The following ATP8B1 variants were observed in gnomAD, a reference collection of about 807,000 sequenced individuals.
The protein encoded by ATP8B1 is phospholipid-transporting ATPase IC.
A neutral mutation model predicts 149.9 loss-of-function variants in ATP8B1; 80 were observed. The ratio of observed to expected loss-of-function variants is 0.53; its 90% CI spans 0.45 to 0.64. The LOEUF is 0.64. ATP8B1 is among the 30% of genes least tolerant of loss of function. The probability of loss-of-function intolerance (pLI) is 0.00; values close to 1 mark genes in which losing one functional copy is unlikely to be tolerated. For synonymous variants in ATP8B1, 536 were observed against 562.8 expected (o/e 0.95, Z 0.67); for missense variants, 1,247 against 1,552.6 (o/e 0.80, Z 3.31).
At chr18:57,660,660 AG>A (rs1378717230) in intron 22 of ATP8B1, among the ~76,000 whole-genome samples, 1 of 152,140 alleles carries the variant, frequency 6.6e-6, no homozygotes, top group Non-Finnish European at 1.5e-5. Flanking sequence ...CTGGGATTAC[AG>A]GTGTGCACCA....
intron 1 of ATP8B1, among the ~76,000 whole-genome samples, chr18:57,765,989 T>A (rs998327220): frequency 6.7e-6 from 1 of 149,016 alleles, no homozygotes; most frequent in Non-Finnish European, 1.5e-5. Context: ...AAAAAAAAAA[T>A]GTTAAGATGG....
chr18:57,701,158 C>T (rs377473859), intron 5 of ATP8B1, 57 bp downstream of exon 5: 11 of 1,611,636 alleles, frequency 6.8e-6, no homozygotes, highest in South Asian at 5.5e-5. Flanking sequence ...AAGGAAGGCA[C>T]GAGAACTTAA....
At chr18:57,654,507 C>T (rs317825) in intron 23 of ATP8B1, among the ~76,000 whole-genome samples, 46,649 of 151,188 alleles carry the variant, frequency 0.31, 7,277 homozygotes, top group East Asian at 0.4. Flanking sequence ...TTTGTTGAGA[C>T]GGGGTTTCAC....
At chr18:57,669,523 A>G (rs1005170644) in intron 17 of ATP8B1, 41 bp from the exon 18 acceptor site, 1 of 1,563,356 alleles carries the variant, frequency 6.4e-7, no homozygotes, top group African/African-American at 1.4e-5. Flanking sequence ...TGCAAAGAAT[A>G]GTTAATTTAT....
At chr18:57,769,778 C>A (rs1315983648) in intron 1 of ATP8B1, among the ~76,000 whole-genome samples, 3 of 152,180 alleles carry the variant, frequency 2.0e-5, no homozygotes, top group Non-Finnish European at 2.9e-5. Flanking sequence ...GATCGAAGAA[C>A]TTTTATTTGT....
chr18:57,703,788 G>C (rs898508760), intron 4 of ATP8B1, among the ~76,000 whole-genome samples: 2 of 151,866 alleles, frequency 1.3e-5, no homozygotes, highest in African/African-American at 4.8e-5. Flanking sequence ...TTTTTAAGTA[G>C]GCCTTTTAAA....
chr18:57,757,307 T>A (rs1484793847), intron 1 of ATP8B1, among the ~76,000 whole-genome samples: 1 of 152,166 alleles, frequency 6.6e-6, no homozygotes, highest in Non-Finnish European at 1.5e-5. Flanking sequence ...CTTGTGACAA[T>A]AACAAGATGT....
At chr18:57,790,100 G>A (rs1175708349) in intron 1 of ATP8B1, among the ~76,000 whole-genome samples, 4 of 152,084 alleles carry the variant, frequency 2.6e-5, no homozygotes, top group Admixed American at 2.6e-4. Context: ...AGAAATTTGA[G>A]AATTGTCAAC....
At chr18:57,756,305 A>ATATACATATATATATATATATATG (rs1555653786) in intron 1 of ATP8B1, among the ~76,000 whole-genome samples, 4,240 of 103,410 alleles carry the variant, frequency 0.041, 137 homozygotes, top group Middle Eastern at 0.065. Flanking sequence ...GTGTATGTAT[A>ATATACATATATATATATATATATG]TATATATATA....
intron 2 of ATP8B1, among the ~76,000 whole-genome samples, chr18:57,725,683 A>T (rs1427676101): frequency 6.6e-6 from 1 of 152,224 alleles, no homozygotes; most frequent in Non-Finnish European, 1.5e-5. Context: ...AAAAACAGAC[A>T]CACAGATCAA....
rs553394570 is a variant in ATP8B1 at position 57,793,925 on chromosome 18, A to G, written c.-26+9073T>C. ...TAAGGTTCTCAAATTGACTTTTAAG[A>G]ATTTTCATGTTGTTCTACAGAAGGA... On this transcript the variant is annotated intron_variant, in intron 1 of 27. Transcript: ENST00000648908. Among the ~76,000 whole-genome samples, 4 of 152,320 alleles carry G rather than the reference A, an allele frequency of 2.6e-5. No individual in the cohort carries two copies. In the South Asian group the frequency reaches 8.3e-4, roughly 32 times the overall value.
At chr18:57,786,485 C>G (rs2080411188) in intron 1 of ATP8B1, among the ~76,000 whole-genome samples, 1 of 152,164 alleles carries the variant, frequency 6.6e-6, no homozygotes, top group Non-Finnish European at 1.5e-5. Flanking sequence ...GTGCAGCCCC[C>G]AGTCATGCTG....
intron 22 of ATP8B1, among the ~76,000 whole-genome samples, chr18:57,658,839 G>A (rs896836631): frequency 6.6e-6 from 1 of 152,050 alleles, no homozygotes; most frequent in African/African-American, 2.4e-5. Flanking sequence ...TAAACTTTCT[G>A]TATATTGTTA....
Position 57,802,336 on chromosome 18 carries a change from GGACGCGACCC to G in ATP8B1, c.-26+652_-26+661del, listed in dbSNP as rs1242869995. 6.6e-6 allele frequency among the ~76,000 whole-genome samples: 1 copy of G among 152,140 alleles called. No individual in the cohort carries two copies. Among genetic ancestry groups the G allele is most frequent in the Non-Finnish European group, 1.5e-5 (1 of 68,026 alleles). On this transcript the variant is annotated intron_variant, in intron 1 of 27. Transcript: ENST00000648908. The surrounding 1 kb of genome is among the most constrained non-coding windows in gnomAD (Gnocchi z 4.9). Reference sequence around the variant, plus strand: ...CTGCAGCCATCTCAGCGGGGCTGGCGGACGCGACCCGACAGTCACCGGAAAAACAGTGGTG... The same window carrying G: ...CTGCAGCCATCTCAGCGGGGCTGGCGGACAGTCACCGGAAAAACAGTGGTG...
At position 57,655,815 on chromosome 18, in the gene ATP8B1, T is replaced by G. The variant is rs114699110; in HGVS notation, c.2708-398A>C. Among the ~76,000 whole-genome samples the G allele has an allele frequency of 5.4e-3, 830 of 152,324 alleles. 7 individuals are homozygous for G. Among genetic ancestry groups the G allele is most frequent in the African/African-American group, 0.018 (733 of 41,572 alleles). On this transcript the variant is annotated intron_variant, in intron 22 of 27. Coordinates refer to ENST00000648908, the MANE Select transcript of ATP8B1 (RefSeq NM_001374385.1). ...CAGATATGTAATTTGTGGTAGATAC[T>G]ACAAATCGGCTCCCCCAACTTCATT...
chr18:57,650,320 T>A, intron 27 of ATP8B1, 47 bp downstream of exon 27: 1 of 1,603,622 alleles, frequency 6.2e-7, no homozygotes, highest in Middle Eastern at 1.7e-4. Flanking sequence ...GGAAACGCTT[T>A]GGTTTCTGTG....
In ATP8B1 at chr18:57,661,156, C is replaced by T. The variant is rs1283038355; in HGVS notation, c.2707+18G>A. The T allele has an allele frequency of 6.8e-6, 11 of 1,612,132 alleles. No homozygotes were observed. The highest frequency in any genetic ancestry group is 6.7e-5 in the African/African-American group (5 of 74,902). On this transcript the variant is annotated intron_variant, in intron 22 of 27. Transcript: ENST00000648908. ...CTCTAGCACGTTGGGCCTCACTGGCCGTGGGTGCATGACTCACTTTTGATC... is the reference window on the plus strand; with the variant it reads ...CTCTAGCACGTTGGGCCTCACTGGCTGTGGGTGCATGACTCACTTTTGATC...
In ATP8B1 at chr18:57,652,597, TGAA is replaced by T; in HGVS notation, c.3145_3147del (p.Phe1049del). On this transcript the variant is annotated inframe_deletion, in exon 25 of 28. Coordinates refer to ENST00000648908, the MANE Select transcript of ATP8B1 (RefSeq NM_001374385.1). Reference sequence around the variant, plus strand: ...GTTTGCAGATAAGCTCCAAGAGGTATGAAGAAGAGGATCATCGATGTTAGGACC... The same window carrying T: ...GTTTGCAGATAAGCTCCAAGAGGTATGAAGAGGATCATCGATGTTAGGACC... 1 of 1,614,196 alleles carries T rather than the reference TGAA, an allele frequency of 6.2e-7. No homozygotes were observed. Among genetic ancestry groups the T allele is most frequent in the Middle Eastern group, 1.6e-4 (1 of 6,062 alleles).
At chr18:57,658,026 C>T (rs1910121877) in intron 22 of ATP8B1, among the ~76,000 whole-genome samples, 1 of 151,912 alleles carries the variant, frequency 6.6e-6, no homozygotes, top group South Asian at 2.1e-4. Flanking sequence ...AAGAATATTT[C>T]CTCGCTACAG....
Sources: gnomAD v4.1 joint callset for allele counts (sites outside exome capture counted in the v4.1 genomes callset) on GRCh38, gnomAD v4.1.1 for gene constraint, Gnocchi (gnomAD v3.1) non-coding constraint, MANE v1.5 for transcripts, NCBI Gene and HGNC (gene_info 2026-07-23, HGNC 2026-07-21) for gene names.